TNIP3: variants seen among roughly 807,000 people sequenced by gnomAD.
TNIP3 encodes the protein TNFAIP3 interacting protein 3.
TNIP3 carries 34 observed loss-of-function variants against 54.1 expected under a neutral mutation model. The observed-to-expected ratio is 0.63, with a 90% CI of 0.48 to 0.84. The LOEUF (loss-of-function observed/expected upper bound fraction) is 0.84, where lower values mean the gene tolerates loss of function less well. TNIP3 is among the 40% of genes least tolerant of loss of function. The pLI is 0.00. For missense variants in TNIP3, 366 were observed against 387.6 expected, an observed-to-expected ratio of 0.94 and a Z score of 0.47; for synonymous variants, 134 against 136.8, an observed-to-expected ratio of 0.98 and a Z score of 0.14.
At chr4:121,214,764 A>G (rs1726689955) in intron 2 of TNIP3, among the ~76,000 whole-genome samples, 1 of 152,234 alleles carries the variant, frequency 6.6e-6, no homozygotes, top group Non-Finnish European at 1.5e-5. Context: ...TGTCAGTATA[A>G]TAACTTCATC....
rs563099961 is a variant in TNIP3 at position 121,138,550 on chromosome 4, G to A, written c.946+74C>T. 9.4e-6 allele frequency: 13 copies of A among 1,383,512 alleles called. No homozygotes were observed. In the South Asian group the frequency reaches 1.5e-4, roughly 16 times the overall value. 85.7% of individuals were successfully genotyped at this position (1,383,512 alleles called of 1,614,324 possible). On this transcript the variant is annotated intron_variant, in intron 10 of 10. Coordinates refer to ENST00000057513, the MANE Select transcript of TNIP3 (RefSeq NM_024873.6). The stretch of plus-strand genomic sequence containing the variant: ...CCTCCCCAAGTACGAATGAATGTAT[G>A]TTGAGTAAACATCCCCAAAAGATCC...
At chr4:121,135,742 T>C (rs1728743827) in intron 10 of TNIP3, among the ~76,000 whole-genome samples, 1 of 152,196 alleles carries the variant, frequency 6.6e-6, no homozygotes, top group African/African-American at 2.4e-5. Context: ...AAAATTATTT[T>C]ATGAGAATTC....
At chr4:121,222,462 T>C (rs185590669) in intron 1 of TNIP3, among the ~76,000 whole-genome samples, 3 of 152,172 alleles carry the variant, frequency 2.0e-5, no homozygotes, top group Admixed American at 1.3e-4. Flanking sequence ...GGGCATATTA[T>C]TTAAATACTC....
intron 5 of TNIP3, 125 bp from the exon 6 acceptor site, chr4:121,150,344 T>A: frequency 2.0e-6 from 1 of 505,016 alleles, no homozygotes; most frequent in South Asian, 4.0e-5. Flanking sequence ...GCTGCTTACA[T>A]AACCAAGTAA....
chr4:121,142,881 C>A (rs80314028), intron 7 of TNIP3, 105 bp from the exon 8 acceptor site: 8 of 875,800 alleles, frequency 9.1e-6, no homozygotes, highest in African/African-American at 5.1e-5. Context: ...GCAGTAATAC[C>A]AACAAAAATA....
intron 3 of TNIP3, among the ~76,000 whole-genome samples, chr4:121,179,825 G>T (rs1724572891): frequency 6.6e-6 from 1 of 151,946 alleles, no homozygotes; most frequent in Non-Finnish European, 1.5e-5. Flanking sequence ...GCCAGGGTGG[G>T]GGAGGGATGA....
At chr4:121,215,913 G>A (rs944392052) in intron 2 of TNIP3, among the ~76,000 whole-genome samples, 8 of 148,940 alleles carry the variant, frequency 5.4e-5, no homozygotes, top group Non-Finnish European at 7.4e-5. Flanking sequence ...CTGAACCAAC[G>A]AATAGAAGGA....
intron 1 of TNIP3, among the ~76,000 whole-genome samples, chr4:121,227,213 C>A (rs1727294026): frequency 1.3e-5 from 2 of 152,136 alleles, no homozygotes; most frequent in Non-Finnish European, 2.9e-5. Flanking sequence ...TTATTTCTCA[C>A]CGGGAACACA....
At chr4:121,157,034 C>A (rs564534437) in intron 4 of TNIP3, 60 bp downstream of exon 4, 9 of 1,599,772 alleles carry the variant, frequency 5.6e-6, no homozygotes, top group Admixed American at 1.7e-5. Context: ...TACAGGAAAT[C>A]CCCCCGCCCC....
chr4:121,204,129 A>C (rs575656064), intron 2 of TNIP3, among the ~76,000 whole-genome samples: 1 of 152,276 alleles, frequency 6.6e-6, no homozygotes, highest in South Asian at 2.1e-4. Flanking sequence ...TGAATGGACC[A>C]AATTTACTTT....
chr4:121,142,971 T>C (rs1729209840), intron 7 of TNIP3, among the ~76,000 whole-genome samples, 195 bp from the exon 8 acceptor site: 1 of 152,226 alleles, frequency 6.6e-6, no homozygotes, highest in African/African-American at 2.4e-5. Context: ...AGTTTTAAAT[T>C]GCTATTCCAG....
At chr4:121,208,940 C>A (rs911678776) in intron 2 of TNIP3, among the ~76,000 whole-genome samples, 1 of 152,174 alleles carries the variant, frequency 6.6e-6, no homozygotes, top group African/African-American at 2.4e-5. Context: ...ACTTTCAGCT[C>A]CATTCCCCAA....
chr4:121,164,768 C>T (rs1730663579), upstream of TNIP3, among the ~76,000 whole-genome samples: 1 of 152,078 alleles, frequency 6.6e-6, no homozygotes, highest in Admixed American at 6.5e-5. Context: ...AGAAAATGGG[C>T]ATTGTTTGCA....
chr4:121,175,022 T>C (rs1724225479), intron 3 of TNIP3, among the ~76,000 whole-genome samples: 1 of 152,222 alleles, frequency 6.6e-6, no homozygotes, highest in Admixed American at 6.5e-5. Flanking sequence ...ATCCACATCC[T>C]GTCACAAAGT....
At chr4:121,159,858 A>G (rs772741685) in intron 2 of TNIP3, among the ~76,000 whole-genome samples, 6 of 152,242 alleles carry the variant, frequency 3.9e-5, no homozygotes, top group Non-Finnish European at 8.8e-5. Flanking sequence ...TATAGGGAAC[A>G]GACACTGAGA....
chr4:121,164,361 C>G (rs116665727), upstream of TNIP3: 27,226 of 1,273,992 alleles, frequency 0.021, 318 homozygotes, highest in Non-Finnish European at 0.024. Flanking sequence ...AACTTTTCTT[C>G]TCTTCCAAAT....
intron 2 of TNIP3, among the ~76,000 whole-genome samples, chr4:121,186,909 TTA>T (rs1345670733): frequency 6.6e-6 from 1 of 152,232 alleles, no homozygotes; most frequent in East Asian, 1.9e-4. Context: ...ACCTTTTAGA[TTA>T]TTCTTTAATT....
intron 5 of TNIP3, among the ~76,000 whole-genome samples, chr4:121,151,964 A>T (rs1729787469): frequency 6.6e-6 from 1 of 152,210 alleles, no homozygotes; most frequent in Non-Finnish European, 1.5e-5. Context: ...GAGTAGCCTT[A>T]GGTAATTGTT....
At chr4:121,141,106 T>C (rs1333215067) in intron 9 of TNIP3, among the ~76,000 whole-genome samples, 1 of 152,192 alleles carries the variant, frequency 6.6e-6, no homozygotes, top group Non-Finnish European at 1.5e-5. Flanking sequence ...TTTGTCTGGG[T>C]AAATCCAAAA....
Sources: allele counts gnomAD v4.1 joint callset (sites outside exome capture counted in the v4.1 genomes callset), GRCh38; gene constraint gnomAD v4.1.1; transcripts MANE v1.5; gene names NCBI Gene and HGNC (gene_info 2026-07-23, HGNC 2026-07-21).